Variants in PDGFD observed in about 807,000 individuals in gnomAD.
The protein encoded by PDGFD is platelet derived growth factor D.
PDGFD carries 30 observed loss-of-function variants against 44.7 expected under a neutral mutation model. The ratio of observed to expected loss-of-function variants is 0.67; its 90% confidence interval spans 0.50 to 0.91. PDGFD has a LOEUF of 0.91. Among genes scored for constraint, PDGFD ranks in the 40% least tolerant of loss-of-function variants. The probability of loss-of-function intolerance (pLI) is 0.00; values close to 1 mark genes in which losing one functional copy is unlikely to be tolerated. For missense variants in PDGFD, 445 were observed against 457.8 expected, an observed-to-expected ratio of 0.97 and a Z score of 0.25; for synonymous variants, 173 against 168.4, an observed-to-expected ratio of 1.03 and a Z score of -0.21.
intron 1 of PDGFD, among the ~76,000 whole-genome samples, chr11:104,007,591 CTT>C (rs1373357230): frequency 6.6e-6 from 1 of 152,198 alleles, no homozygotes; most frequent in Non-Finnish European, 1.5e-5. Context: ...CCCTTTTTCT[CTT>C]GTCCCCATAA....
At chr11:104,087,021 C>CTTTTTTTTT (rs528848924) in intron 1 of PDGFD, among the ~76,000 whole-genome samples, 10 of 103,210 alleles carry the variant, frequency 9.7e-5, no homozygotes, top group South Asian at 3.8e-4. Context: ...GGCTCTTAGT[C>CTTTTTTTTT]TTTTTTTTTT....
chr11:103,940,081 A>G (rs147989544), intron 5 of PDGFD, among the ~76,000 whole-genome samples: 48 of 152,126 alleles, frequency 3.2e-4, no homozygotes, highest in African/African-American at 1.1e-3. Context: ...TTCCTCACCA[A>G]AACTTTACTG....
At chr11:103,960,788 C>T (rs7952727) in intron 3 of PDGFD, among the ~76,000 whole-genome samples, 39 of 152,146 alleles carry the variant, frequency 2.6e-4, no homozygotes, top group Admixed American at 9.2e-4. Flanking sequence ...AGTCCAAGAC[C>T]GGAGTGCTGA....
intron 5 of PDGFD, among the ~76,000 whole-genome samples, chr11:103,929,680 C>G (rs756932167): frequency 3.9e-5 from 6 of 152,284 alleles, no homozygotes; most frequent in Non-Finnish European, 8.8e-5. Context: ...TTGAAATCAC[C>G]GAGGCACTCA....
At chr11:104,056,069 C>T (rs931961136) in intron 1 of PDGFD, among the ~76,000 whole-genome samples, 5 of 152,122 alleles carry the variant, frequency 3.3e-5, no homozygotes, top group Non-Finnish European at 7.3e-5. Context: ...ACCCCAAAAC[C>T]TATAGCTGTT....
chr11:103,922,350 C>G (rs1174365113), intron 6 of PDGFD, among the ~76,000 whole-genome samples: 2 of 152,096 alleles, frequency 1.3e-5, no homozygotes, highest in African/African-American at 4.8e-5. Flanking sequence ...TGATGGGGTT[C>G]AGGACACTGT....
At chr11:104,121,364 G>A (rs571673419) in intron 1 of PDGFD, among the ~76,000 whole-genome samples, 7 of 151,816 alleles carry the variant, frequency 4.6e-5, no homozygotes, top group Non-Finnish European at 7.4e-5. Flanking sequence ...ACATTTCACC[G>A]TGCTCAGAAA....
intron 1 of PDGFD, among the ~76,000 whole-genome samples, chr11:104,120,108 T>A (rs1462448684): frequency 6.6e-6 from 1 of 150,594 alleles, no homozygotes; most frequent in Non-Finnish European, 1.5e-5. Context: ...AAGTCAAGGC[T>A]GACTTATAGC....
intron 3 of PDGFD, among the ~76,000 whole-genome samples, chr11:103,993,227 C>CTGTTT (rs1419754887): frequency 6.6e-6 from 1 of 151,854 alleles, no homozygotes; most frequent in Non-Finnish European, 1.5e-5. Context: ...GCCATCATGC[C>CTGTTT]TGTTTTGTTT....
intron 1 of PDGFD, among the ~76,000 whole-genome samples, chr11:104,123,794 T>C (rs1355874841): frequency 1.3e-5 from 2 of 152,090 alleles, no homozygotes; most frequent in Non-Finnish European, 2.9e-5. Context: ...ATTTCTTTAA[T>C]ACCACTTACT....
intron 1 of PDGFD, among the ~76,000 whole-genome samples, chr11:104,135,415 C>T (rs1036244633): frequency 3.3e-5 from 5 of 152,084 alleles, no homozygotes; most frequent in African/African-American, 1.2e-4. Flanking sequence ...GAGAGTAGTC[C>T]AAAATGGTGC....
At chr11:103,921,182 G>A (rs1858210307) in intron 6 of PDGFD, among the ~76,000 whole-genome samples, 1 of 152,134 alleles carries the variant, frequency 6.6e-6, no homozygotes, top group African/African-American at 2.4e-5. Flanking sequence ...TAAAGGTGGA[G>A]AAAGGACAAG....
At chr11:104,099,938 T>C (rs993228172) in intron 1 of PDGFD, among the ~76,000 whole-genome samples, 1 of 152,168 alleles carries the variant, frequency 6.6e-6, no homozygotes, top group South Asian at 2.1e-4. Flanking sequence ...CTAATGGGTA[T>C]ATTTTGAATA....
intron 1 of PDGFD, among the ~76,000 whole-genome samples, chr11:104,131,818 AAAAAAAAAAG>A (rs1254646568): frequency 4.0e-4 from 46 of 114,978 alleles, no homozygotes; most frequent in African/African-American, 1.2e-3. Flanking sequence ...AAAAAAAAAA[AAAAAAAAAAG>A]GGGATGCTTG....
chr11:104,037,671 C>T (rs752716076), intron 1 of PDGFD: 3 of 1,614,086 alleles, frequency 1.9e-6, no homozygotes, highest in Admixed American at 1.7e-5. Flanking sequence ...GGCTGGTGGA[C>T]CGACGGTGGG....
chr11:103,970,532 G>A (rs898756539), intron 3 of PDGFD, among the ~76,000 whole-genome samples: 1 of 152,130 alleles, frequency 6.6e-6, no homozygotes, highest in African/African-American at 2.4e-5. Context: ...CATTTTGCAA[G>A]TACTTTAATA....
chr11:104,116,832 G>C (rs1297948269), intron 1 of PDGFD, among the ~76,000 whole-genome samples: 2 of 151,900 alleles, frequency 1.3e-5, no homozygotes, highest in Non-Finnish European at 2.9e-5. Context: ...AGATCTGATG[G>C]GTTTATCAGG....
chr11:104,120,505 G>A (rs758223270), intron 1 of PDGFD, among the ~76,000 whole-genome samples: 2 of 151,666 alleles, frequency 1.3e-5, no homozygotes, highest in African/African-American at 2.4e-5. Flanking sequence ...AACGGCCTTC[G>A]ATCATTTATC....
chr11:104,012,989 C>T (rs1859805892), intron 1 of PDGFD, among the ~76,000 whole-genome samples: 4 of 152,316 alleles, frequency 2.6e-5, no homozygotes, highest in East Asian at 3.9e-4. Flanking sequence ...GTTTTCATAC[C>T]CAAATGTTGC....
Sources: gnomAD v4.1 joint callset for allele counts (sites outside exome capture counted in the v4.1 genomes callset) on GRCh38, gnomAD v4.1.1 for gene constraint, MANE v1.5 for transcripts, NCBI Gene and HGNC (gene_info 2026-07-23, HGNC 2026-07-21) for gene names.